The following ZNF606 variants were observed in gnomAD, a reference collection of about 807,000 sequenced individuals.
ZNF606 encodes zinc finger protein 328.
Under a neutral mutation model 74.9 loss-of-function variants are expected in ZNF606, and 37 were observed. The observed-to-expected ratio is 0.49, with a 90% CI of 0.38 to 0.65. ZNF606 has a LOEUF of 0.65. Ranked by LOEUF, ZNF606 falls within the 30% of genes least tolerant of loss-of-function variation. ZNF606 has a pLI of 0.00. For synonymous variants in ZNF606, 328 were observed against 312.4 expected (o/e 1.05, Z -0.53); for missense variants, 852 against 952.9 (o/e 0.89, Z 1.39).
intron 1 of ZNF606, 105 bp downstream of exon 1, chr19:58,002,291 T>G: frequency 2.2e-6 from 1 of 456,706 alleles, no homozygotes; most frequent in Non-Finnish European, 4.4e-6. Context: ...GTCCCATCAA[T>G]GGCCTCAGAA....
intron 4 of ZNF606, among the ~76,000 whole-genome samples, chr19:57,996,723 A>C (rs1359216099): frequency 6.6e-6 from 1 of 152,150 alleles, no homozygotes; most frequent in Non-Finnish European, 1.5e-5. Flanking sequence ...TAAAGAGAGA[A>C]GAGTACTGCT....
chr19:57,993,255 T>C (rs1024136822), intron 4 of ZNF606, among the ~76,000 whole-genome samples: 16 of 152,272 alleles, frequency 1.1e-4, no homozygotes, highest in African/African-American at 3.6e-4. Flanking sequence ...TCTATTACAA[T>C]AGCAACATTA....
chr19:57,979,805 G>A lies in ZNF606; in HGVS notation c.875C>T (p.Thr292Ile). The A allele has an allele frequency of 1.2e-6, 2 of 1,613,284 alleles. No individual in the cohort carries two copies. The highest frequency in any genetic ancestry group is 1.7e-6 in the Non-Finnish European group (2 of 1,179,982). The change falls in exon 7 of 7, where the codon ACT becomes ATT. Residue 292 changes from threonine (T) to isoleucine (I), a missense_variant. Transcript: ENST00000551380. Reference protein sequence around the residue: ...IQTGDNLFKCTDAVKSFNHII... With the variant: ...IQTGDNLFKCIDAVKSFNHII... Reference sequence around the variant, plus strand: ...ATGATTGAAAGATTTAACAGCATCAGTACATTTGAAAAGATTATCTCCAGT... The same window carrying A: ...ATGATTGAAAGATTTAACAGCATCAATACATTTGAAAAGATTATCTCCAGT...
At chr19:58,002,279 T>C (rs536877252) in intron 1 of ZNF606, 117 bp downstream of exon 1, 4 of 456,720 alleles carry the variant, frequency 8.8e-6, no homozygotes, top group Non-Finnish European at 1.8e-5. Context: ...ACGGGGTTAT[T>C]CGTCCCATCA....
intron 4 of ZNF606, among the ~76,000 whole-genome samples, chr19:57,996,133 G>A (rs1436455813): frequency 6.6e-6 from 1 of 152,138 alleles, no homozygotes; most frequent in Non-Finnish European, 1.5e-5. Context: ...TAAAAAACAG[G>A]AAGAAAAAAA....
At chr19:57,992,177 C>A (rs1291734566) in intron 4 of ZNF606, among the ~76,000 whole-genome samples, 1 of 152,152 alleles carries the variant, frequency 6.6e-6, no homozygotes, top group Non-Finnish European at 1.5e-5. Context: ...CCTAATAAAA[C>A]AGTGGACAGT....
In ZNF606 at chr19:57,977,971, C is replaced by T. The variant is rs2073015090; in HGVS notation, c.*330G>A. 1 of 193,086 alleles carries T rather than the reference C, an allele frequency of 5.2e-6. No individual in the cohort carries two copies. The highest frequency in any genetic ancestry group is 2.3e-5 in the African/African-American group (1 of 42,806). The allele number at this position is 193,086 out of a possible 1,614,324, so 12.0% of individuals were successfully genotyped here. ...AAGGTTTTTCCCTTAGCAATTCACACCAATCTACAATTGGTGAGAGCTCTT... is the reference window on the plus strand; with the variant it reads ...AAGGTTTTTCCCTTAGCAATTCACATCAATCTACAATTGGTGAGAGCTCTT... On this transcript the variant is annotated 3_prime_UTR_variant, in exon 7 of 7. Coordinates refer to ENST00000551380, the MANE Select transcript of ZNF606 (RefSeq NM_001348022.3).
intron 4 of ZNF606, among the ~76,000 whole-genome samples, chr19:57,996,027 T>A (rs934761403): frequency 6.6e-6 from 1 of 152,232 alleles, no homozygotes; most frequent in African/African-American, 2.4e-5. Context: ...TACACTTCTC[T>A]GTAATTATGA....
At position 57,988,269 on chromosome 19, in the gene ZNF606, A is replaced by G; in HGVS notation, c.338T>C (p.Leu113Pro). The G allele has an allele frequency of 3.7e-6, 6 of 1,614,090 alleles. No homozygotes were observed. The highest frequency in any genetic ancestry group is 5.1e-6 in the Non-Finnish European group (6 of 1,180,012). The change falls in exon 6 of 7, where the codon CTG (leucine) becomes CCG (proline). Residue 113 changes from leucine (L) to proline (P), a missense_variant. Around this residue, in one of 3 missense-constraint regions of ZNF606, gnomAD observed 545 missense variants for 542.5 expected, o/e 1.00. Transcript: ENST00000551380. ...NQIAKPEVISLLEQGEEPWSV... is the reference protein window; with the variant it reads ...NQIAKPEVISPLEQGEEPWSV... Reference sequence around the variant, plus strand: ...CCACGGCTCTTCTCCTTGCTCCAACAGGGAGATGACCTCAGGCTTGGCAAT... The same window carrying G: ...CCACGGCTCTTCTCCTTGCTCCAACGGGGAGATGACCTCAGGCTTGGCAAT...
Position 57,978,234 on chromosome 19 carries a change from G to T in ZNF606, c.*67C>A. The T allele has an allele frequency of 6.9e-7, 1 of 1,448,854 alleles. No individual in the cohort carries two copies. Among genetic ancestry groups the T allele is most frequent in the South Asian group, 1.5e-5 (1 of 66,134 alleles). The allele number at this position is 1,448,854 out of a possible 1,614,324, so 89.7% of individuals were successfully genotyped here. Reference sequence around the variant, plus strand: ...CTCTTAATGAAAAATGTCCCCTCTTGATTATGTTTATAGGGTTTTCCTCAA... The same window carrying T: ...CTCTTAATGAAAAATGTCCCCTCTTTATTATGTTTATAGGGTTTTCCTCAA... On this transcript the variant is annotated 3_prime_UTR_variant, in exon 7 of 7. Coordinates refer to ENST00000551380, the MANE Select transcript of ZNF606 (RefSeq NM_001348022.3). The surrounding 1 kb of genome is among the most constrained non-coding windows in gnomAD (Gnocchi z 4.4).
At chr19:58,001,852 T>C (rs576361569) in intron 1 of ZNF606, among the ~76,000 whole-genome samples, 2 of 152,318 alleles carry the variant, frequency 1.3e-5, no homozygotes, top group East Asian at 3.9e-4. Context: ...TTGCACACTT[T>C]TAAGTGCTTA....
chr19:57,988,519 T>G, intron 5 of ZNF606, 76 bp downstream of exon 5: 1 of 1,554,718 alleles, frequency 6.4e-7, no homozygotes, highest in Non-Finnish European at 8.7e-7. Flanking sequence ...GCCCCTGCAA[T>G]GAGCTTCTAA....
At chr19:57,991,763 G>A (rs1477271045) in intron 4 of ZNF606, among the ~76,000 whole-genome samples, 4 of 150,658 alleles carry the variant, frequency 2.7e-5, no homozygotes, top group Non-Finnish European at 5.9e-5. Context: ...CTGGGCGACA[G>A]AGTGAAACTC....
rs757273940 is a variant in ZNF606, at chr19:57,979,658, C to A, written c.1022G>T (p.Gly341Val). ...SFNEHPRLHV[G>V]ENQYNYKEYE... The stretch of plus-strand genomic sequence containing the variant: ...TTCTTTGTAATTATACTGGTTTTCT[C>A]CAACATGAAGCCTTGGGTGTTCATT... The change falls in exon 7 of 7, where the codon GGA (glycine) becomes GTA (valine). Residue 341 changes from glycine (G) to valine (V), a missense_variant. Around this residue, in one of 3 missense-constraint regions of ZNF606, gnomAD observed 545 missense variants for 542.5 expected, o/e 1.00. Coordinates refer to ENST00000551380, the MANE Select transcript of ZNF606 (RefSeq NM_001348022.3). The A allele has an allele frequency of 1.2e-6, 2 of 1,613,654 alleles. No individual in the cohort carries two copies. Among genetic ancestry groups the A allele is most frequent in the Non-Finnish European group, 1.7e-6 (2 of 1,179,972 alleles).
intron 1 of ZNF606, among the ~76,000 whole-genome samples, chr19:58,001,816 T>C (rs904818863): frequency 1.3e-5 from 2 of 152,210 alleles, no homozygotes; most frequent in Admixed American, 6.5e-5. Flanking sequence ...TGCACAACTT[T>C]ATTAATATAC....
chr19:57,992,650 T>C (rs776373370), intron 4 of ZNF606, among the ~76,000 whole-genome samples: 11 of 152,208 alleles, frequency 7.2e-5, no homozygotes, highest in Non-Finnish European at 1.6e-4. Flanking sequence ...TGAGGAATTA[T>C]TGGTAATTTG....
Position 57,979,843 on chromosome 19 carries a change from A to T in ZNF606, c.837T>A (p.Pro279=). ...GATTATCTCCAGTTTGTATTCTTGC[A>T]GGGTAAATAGGTTGAATGGACTGAT... is the stretch of plus-strand genomic sequence containing the variant. ...TVYQSIQPIY[P]ARIQTGDNLF... is the part of the protein sequence containing the mutation. Residue 279 remains proline (P), a synonymous_variant, in exon 7 of 7, where the codon CCT becomes CCA. Coordinates refer to ENST00000551380, the MANE Select transcript of ZNF606 (RefSeq NM_001348022.3). 6.2e-7 allele frequency: 1 copy of T among 1,613,600 alleles called. No individual in the cohort carries two copies. The highest frequency in any genetic ancestry group is 8.5e-7 in the Non-Finnish European group (1 of 1,180,002).
chr19:57,997,052 G>C (rs2073350697), intron 4 of ZNF606, among the ~76,000 whole-genome samples: 1 of 152,222 alleles, frequency 6.6e-6, no homozygotes. Context: ...GGGCAATTCA[G>C]ATGGCTTCTG....
chr19:57,986,657 AACAC>A (rs2073167915), intron 6 of ZNF606, among the ~76,000 whole-genome samples: 1 of 152,198 alleles, frequency 6.6e-6, no homozygotes, highest in African/African-American at 2.4e-5. Context: ...CATATTCATG[AACAC>A]ACAATGTATA....
Sources: allele counts gnomAD v4.1 joint callset (sites outside exome capture counted in the v4.1 genomes callset), GRCh38; gene constraint gnomAD v4.1.1; regional missense constraint gnomAD v4.1.1; non-coding constraint Gnocchi (gnomAD v3.1); transcripts MANE v1.5; gene names NCBI Gene and HGNC (gene_info 2026-07-23, HGNC 2026-07-21).